GRPEL2: variants seen among roughly 807,000 people sequenced by gnomAD.
The protein encoded by GRPEL2 is GrpE like 2, mitochondrial.
In GRPEL2, 18 loss-of-function variants were observed where a neutral mutation model predicts 25.9. The ratio of observed to expected loss-of-function variants is 0.70; its 90% CI spans 0.48 to 1.03. GRPEL2 has a LOEUF of 1.03. Among genes scored for constraint, GRPEL2 ranks in the 50% least tolerant of loss-of-function variants. The pLI is 0.00. For synonymous variants in GRPEL2, 106 were observed against 107.9 expected, an observed-to-expected ratio of 0.98 and a Z score of 0.11; for missense variants, 247 against 276.2, an observed-to-expected ratio of 0.89 and a Z score of 0.75.
At chr5:149,349,605 C>A in intron 2 of GRPEL2, 49 bp from the exon 3 acceptor site, 3 of 1,289,544 alleles carry the variant, frequency 2.3e-6, no homozygotes, top group African/African-American at 1.5e-5. Flanking sequence ...TCTCTTCCAC[C>A]AATAAGTATT....
rs748334239 is a variant in GRPEL2, at chr5:149,349,740, G to C, written c.313+5G>C. 6.2e-7 allele frequency: 1 copy of C among 1,608,472 alleles called. No homozygotes were observed. Among genetic ancestry groups the C allele is most frequent in the South Asian group, 1.1e-5 (1 of 90,908 alleles). ...TGGAAGACGCCAAGATATTTGGTGA[G>C]AGATTTATTTACAATAAAAATGTCT... is the stretch of plus-strand genomic sequence containing the variant. On this transcript the variant is annotated splice_donor_5th_base_variant and intron_variant, in intron 3 of 3. Transcript: ENST00000329271.
chr5:149,348,224 G>C, intron 1 of GRPEL2, 48 bp from the exon 2 acceptor site: 1 of 1,532,782 alleles, frequency 6.5e-7, no homozygotes, highest in Non-Finnish European at 8.8e-7. Context: ...TGTAATTTTG[G>C]CTTATGATGG....
Position 149,348,285 on chromosome 5 carries a change from C to A in GRPEL2, c.91C>A (p.Pro31Thr), listed in dbSNP as rs754632324. 6 of 1,600,882 alleles carry A rather than the reference C, an allele frequency of 3.7e-6. No individual in the cohort carries two copies. The South Asian group carries it at 6.8e-5, about 18-fold the overall frequency. Reference protein sequence around the residue: ...AAWESKGWPLPFSTATQRTAG... With the variant: ...AAWESKGWPLTFSTATQRTAG... Reference sequence around the variant, plus strand: ...TTCCTGTTTTAGGGGATGGCCGCTTCCATTCAGCACTGCCACCCAGAGAAC... The same window carrying A: ...TTCCTGTTTTAGGGGATGGCCGCTTACATTCAGCACTGCCACCCAGAGAAC... Residue 31 changes from proline to threonine, a missense_variant, in exon 2 of 4, where the codon CCA becomes ACA. Transcript: ENST00000329271.
At chr5:149,347,464 C>T (rs1757707138) in intron 1 of GRPEL2, among the ~76,000 whole-genome samples, 1 of 152,178 alleles carries the variant, frequency 6.6e-6, no homozygotes, top group Non-Finnish European at 1.5e-5. Flanking sequence ...TGGAAACTTC[C>T]TTGAACTGGG....
At chr5:149,349,604 C>G (rs1757744563) in intron 2 of GRPEL2, 50 bp from the exon 3 acceptor site, 1 of 1,292,106 alleles carries the variant, frequency 7.7e-7, no homozygotes, top group Non-Finnish European at 1.1e-6. Flanking sequence ...TTCTCTTCCA[C>G]CAATAAGTAT....
At position 149,351,293 on chromosome 5, in the gene GRPEL2, A is replaced by G. The variant is rs1257838800; in HGVS notation, c.*11A>G. Reference sequence around the variant, plus strand: ...CAGAGAAGACTGTGAAGAGGCCATCAGGAACTGGATGTTCTCCCAGAGCGC... The same window carrying G: ...CAGAGAAGACTGTGAAGAGGCCATCGGGAACTGGATGTTCTCCCAGAGCGC... On this transcript the variant is annotated 3_prime_UTR_variant, in exon 4 of 4. Transcript: ENST00000329271. 4 of 1,595,508 alleles carry G rather than the reference A, an allele frequency of 2.5e-6. No individual in the cohort carries two copies. The highest frequency in any genetic ancestry group is 2.2e-5 in the East Asian group (1 of 44,490).
At position 149,351,244 on chromosome 5, in the gene GRPEL2, C is replaced by T. The variant is rs1348703205; in HGVS notation, c.640C>T (p.Arg214Ter). ...KLHGRTIRLA[R>*]VEVAVESQRR... ...TCATGGCCGCACCATTAGGCTTGCC[C>T]GAGTGGAAGTGGCAGTGGAGTCTCA... The change falls in exon 4 of 4, where the codon CGA (arginine) becomes TGA (stop). Residue 214 changes from arginine to a stop codon, truncating the protein, a stop_gained. Coordinates refer to ENST00000329271, the MANE Select transcript of GRPEL2 (RefSeq NM_152407.4). LOFTEE classifies it high-confidence loss of function. The T allele has an allele frequency of 2.5e-6, 4 of 1,611,474 alleles. No individual in the cohort carries two copies. Among genetic ancestry groups the T allele is most frequent in the Non-Finnish European group, 3.4e-6 (4 of 1,177,814 alleles).
At chr5:149,348,568 A>G in intron 2 of GRPEL2, 143 bp downstream of exon 2, 2 of 651,890 alleles carry the variant, frequency 3.1e-6, no homozygotes, top group Non-Finnish European at 5.1e-6. Flanking sequence ...ACTCCTTGCT[A>G]GGTATACTGG....
At position 149,354,081 on chromosome 5, in the gene GRPEL2, G is replaced by A. The variant is rs1027168770; in HGVS notation, c.*2799G>A. On this transcript the variant is annotated 3_prime_UTR_variant, in exon 4 of 4. Transcript: ENST00000329271. ...ATGGCTGTCTAAAGTCTAGGGAAAA[G>A]GGAAGACTGGTTAATGATGAGTAGA... 6.6e-6 allele frequency: 1 copy of A among 152,182 alleles called. No individual in the cohort carries two copies. Among genetic ancestry groups the A allele is most frequent in the Non-Finnish European group, 1.5e-5 (1 of 68,032 alleles). 9.4% of individuals were successfully genotyped at this position (152,182 alleles called of 1,614,324 possible). A position where few individuals can be genotyped will look rare whatever the true frequency, so the allele number is the denominator to read the frequency against.
rs1365657274 is a variant in GRPEL2 at position 149,353,347 on chromosome 5, C to T, written c.*2065C>T. 6.6e-6 allele frequency: 1 copy of T among 152,264 alleles called. No homozygotes were observed. The highest frequency in any genetic ancestry group is 1.5e-5 in the Non-Finnish European group (1 of 68,018). The allele number at this position is 152,264 out of a possible 1,614,324, so 9.4% of individuals were successfully genotyped here. A position where few individuals can be genotyped will look rare whatever the true frequency, so the allele number is the denominator to read the frequency against. On this transcript the variant is annotated 3_prime_UTR_variant, in exon 4 of 4. Transcript: ENST00000329271. The stretch of plus-strand genomic sequence containing the variant: ...CAGATGGTGACAATAAGAAAATGAG[C>T]TGATTGTAATTACTCTCTGTGTGTT...
intron 1 of GRPEL2, among the ~76,000 whole-genome samples, chr5:149,347,475 C>G (rs1384298027): frequency 6.6e-6 from 1 of 152,152 alleles, no homozygotes; most frequent in Non-Finnish European, 1.5e-5. Context: ...TTGAACTGGG[C>G]CAGGTCAGGA....
rs1433887436 is a variant in GRPEL2 at position 149,351,850 on chromosome 5, T to C, written c.*568T>C. ...GCTTTATGCTCACATCATTGTCCCA[T>C]ACCCACCCCTTTCTCATCCCCATTT... is the stretch of plus-strand genomic sequence containing the variant. On this transcript the variant is annotated 3_prime_UTR_variant, in exon 4 of 4. Coordinates refer to ENST00000329271, the MANE Select transcript of GRPEL2 (RefSeq NM_152407.4). 1 of 153,126 alleles carries C rather than the reference T, an allele frequency of 6.5e-6. No homozygotes were observed. Among genetic ancestry groups the C allele is most frequent in the Non-Finnish European group, 1.5e-5 (1 of 68,702 alleles). 9.5% of individuals were successfully genotyped at this position (153,126 alleles called of 1,614,324 possible).
intron 3 of GRPEL2, among the ~76,000 whole-genome samples, chr5:149,350,497 G>T (rs1435841170): frequency 6.6e-6 from 1 of 152,082 alleles, no homozygotes; most frequent in African/African-American, 2.4e-5. Flanking sequence ...TGCCCTTCTC[G>T]TGAAATATTA....
rs1185166986 is a variant in GRPEL2, at chr5:149,354,058, G to A, written c.*2776G>A. 6.6e-6 allele frequency: 1 copy of A among 152,050 alleles called. No individual in the cohort carries two copies. The highest frequency in any genetic ancestry group is 2.4e-5 in the African/African-American group (1 of 41,384). The allele number at this position is 152,050 out of a possible 1,614,324, so 9.4% of individuals were successfully genotyped here. ...CACATTGTTTTTCCTGCCTTTTTAT[G>A]GCTGTCTAAAGTCTAGGGAAAAGGG... On this transcript the variant is annotated 3_prime_UTR_variant, in exon 4 of 4. Coordinates refer to ENST00000329271, the MANE Select transcript of GRPEL2 (RefSeq NM_152407.4).
rs1290237809 is a variant in GRPEL2, at chr5:149,351,152, A to C, written c.548A>C (p.His183Pro). The change falls in exon 4 of 4, where the codon CAT becomes CCT. Residue 183 changes from histidine to proline, a missense_variant. By Grantham distance (77) the His-to-Pro change is moderately conservative (BLOSUM62 -2). Transcript: ENST00000329271. ...CCCCATGAGCATGAACTCATCTGTC[A>C]TGTGCCAGCTGGTGTTGGGGTGCAG... is the stretch of plus-strand genomic sequence containing the variant. ...YDPHEHELIC[H>P]VPAGVGVQPG... The C allele has an allele frequency of 6.2e-7, 1 of 1,614,222 alleles. No homozygotes were observed. Among genetic ancestry groups the C allele is most frequent in the Admixed American group, 1.7e-5 (1 of 60,022 alleles).
In GRPEL2 at chr5:149,345,502, A is replaced by G. The variant is rs758529946; in HGVS notation, c.-38A>G. 1 of 1,580,862 alleles carries G rather than the reference A, an allele frequency of 6.3e-7. No homozygotes were observed. The highest frequency in any genetic ancestry group is 8.6e-7 in the Non-Finnish European group (1 of 1,158,600). On this transcript the variant is annotated 5_prime_UTR_variant, in exon 1 of 4. Coordinates refer to ENST00000329271, the MANE Select transcript of GRPEL2 (RefSeq NM_152407.4). ...GCGGGAGCATCTCTTCACTCGCAGC[A>G]AGTGCGCGTGCGCTGCCTCTCAGCC...
rs773154773 is a variant in GRPEL2, at chr5:149,345,549, C to T, written c.10C>T (p.Arg4Trp). ...AGCCCAAATTGGAAACATGGCCGTA[C>T]GGTCGCTGTGGGCGGGCCGGCTGCG... MAVRSLWAGRLRVQ... is the reference protein window; with the variant it reads MAVWSLWAGRLRVQ... The change falls in exon 1 of 4, where the codon CGG becomes TGG. Residue 4 changes from arginine (R) to tryptophan (W), a missense_variant. Physicochemically the swap from Arg to Trp is moderately radical, Grantham distance 101. Coordinates refer to ENST00000329271, the MANE Select transcript of GRPEL2 (RefSeq NM_152407.4). 10 of 1,611,306 alleles carry T rather than the reference C, an allele frequency of 6.2e-6. No homozygotes were observed. Among genetic ancestry groups the T allele is most frequent in the East Asian group, 2.2e-5 (1 of 44,784 alleles).
rs767480586 is a variant in GRPEL2, at chr5:149,345,504, G to C, written c.-36G>C. ...GGGAGCATCTCTTCACTCGCAGCAA[G>C]TGCGCGTGCGCTGCCTCTCAGCCCA... On this transcript the variant is annotated 5_prime_UTR_variant, in exon 1 of 4. Transcript: ENST00000329271. The C allele has an allele frequency of 6.3e-7, 1 of 1,586,732 alleles. No homozygotes were observed. Among genetic ancestry groups the C allele is most frequent in the Admixed American group, 1.7e-5 (1 of 57,290 alleles).
At position 149,351,072 on chromosome 5, in the gene GRPEL2, T is replaced by C. The variant is rs1757765958; in HGVS notation, c.468T>C (p.Ser156=). Residue 156 remains serine (S), a synonymous_variant, in exon 4 of 4, where the codon AGT becomes AGC. Transcript: ENST00000329271. The part of the protein sequence containing the change: ...GLLLLEAKLK[S]VFAKHGLEKL... The stretch of plus-strand genomic sequence containing the variant: ...TGCTTTTAGAAGCAAAGCTGAAAAG[T>C]GTGTTTGCCAAGCATGGCCTGGAGA... The C allele has an allele frequency of 6.2e-7, 1 of 1,614,146 alleles. No individual in the cohort carries two copies. Among genetic ancestry groups the C allele is most frequent in the Non-Finnish European group, 8.5e-7 (1 of 1,180,022 alleles).
Sources: gnomAD v4.1 joint callset for allele counts (sites outside exome capture counted in the v4.1 genomes callset) on GRCh38, gnomAD v4.1.1 for gene constraint, MANE v1.5 for transcripts, NCBI Gene and HGNC (gene_info 2026-07-23, HGNC 2026-07-21) for gene names.